The following CSMD3 variants were observed in gnomAD, a reference collection of about 807,000 sequenced individuals.
CSMD3 encodes the protein CUB and sushi domain-containing protein 3.
A neutral mutation model predicts 435.2 loss-of-function variants in CSMD3; 177 were observed. The ratio of observed to expected loss-of-function variants is 0.41; its 90% CI spans 0.36 to 0.46. The LOEUF (loss-of-function observed/expected upper bound fraction) is 0.46. CSMD3 is among the 20% of genes least tolerant of loss of function. CSMD3 has a pLI of 0.34. For missense variants in CSMD3, 4,265 were observed against 4,504.6 expected (o/e 0.95, Z 1.52); for synonymous variants, 1,656 against 1,520.5 (o/e 1.09, Z -2.07).
At chr8:113,067,574 C>G (rs574258914) in intron 5 of CSMD3, among the ~76,000 whole-genome samples, 1 of 152,046 alleles carries the variant, frequency 6.6e-6, no homozygotes, top group South Asian at 2.1e-4. Flanking sequence ...AACTTTTGTA[C>G]CAACTTAATA....
intron 13 of CSMD3, among the ~76,000 whole-genome samples, chr8:112,766,978 C>A (rs774727734): frequency 3.3e-5 from 5 of 151,732 alleles, no homozygotes; most frequent in Non-Finnish European, 7.4e-5. Flanking sequence ...TTTAGAAAGA[C>A]AAAGGGAACT....
intron 1 of CSMD3, among the ~76,000 whole-genome samples, chr8:113,400,362 T>A (rs956311288): frequency 2.6e-5 from 4 of 151,930 alleles, no homozygotes; most frequent in Non-Finnish European, 4.4e-5. Context: ...CCATCCCTCG[T>A]GGCTAATACT....
In CSMD3 at chr8:113,117,711, A is replaced by G. The variant is rs529734618; in HGVS notation, c.710-18748T>C. Among the ~76,000 whole-genome samples the G allele has an allele frequency of 7.9e-5, 12 of 152,352 alleles. No homozygotes were observed. In the South Asian group the frequency reaches 2.5e-3, roughly 32 times the overall value. Reference sequence around the variant, plus strand: ...GTTGTACACTACAAAGCCAAGGGTCAGAGCTGCCCAAGGCCATGGGAGCCC... The same window carrying G: ...GTTGTACACTACAAAGCCAAGGGTCGGAGCTGCCCAAGGCCATGGGAGCCC... On this transcript the variant is annotated intron_variant, in intron 4 of 70. Coordinates refer to ENST00000297405, the MANE Select transcript of CSMD3 (RefSeq NM_198123.2).
intron 32 of CSMD3, among the ~76,000 whole-genome samples, chr8:112,412,951 G>C (rs1811511254): frequency 6.6e-6 from 1 of 152,062 alleles, no homozygotes; most frequent in Non-Finnish European, 1.5e-5. Flanking sequence ...AGGGAACTTT[G>C]GGTACATATT....
chr8:113,300,198 T>C (rs2093754864), intron 2 of CSMD3, among the ~76,000 whole-genome samples: 2 of 148,152 alleles, frequency 1.3e-5, no homozygotes, highest in African/African-American at 2.5e-5. Context: ...TTGGTGTGAA[T>C]GCGAAGAAAA....
At chr8:112,473,018 T>C (rs1227316811) in intron 31 of CSMD3, among the ~76,000 whole-genome samples, 2 of 152,196 alleles carry the variant, frequency 1.3e-5, no homozygotes, top group African/African-American at 2.4e-5. Context: ...ATCATTTTTA[T>C]AATAATGATA....
chr8:112,349,715 ATAG>A lies in CSMD3; in HGVS notation c.6325+1457_6325+1459del, dbSNP rs556051516. Among the ~76,000 whole-genome samples the A allele has an allele frequency of 2.7e-3, 411 of 152,282 alleles. 1 individual carries two copies. The highest frequency in any genetic ancestry group is 4.6e-3 in the Non-Finnish European group (316 of 67,994). ...TATAATATGCATTTACAAATTAATC[ATAG>A]TACCTTAAAAACTTCCCTTAAAAAA... On this transcript the variant is annotated intron_variant, in intron 40 of 70. Coordinates refer to ENST00000297405, the MANE Select transcript of CSMD3 (RefSeq NM_198123.2).
At chr8:112,454,173 C>G (rs1378726470) in intron 32 of CSMD3, among the ~76,000 whole-genome samples, 1 of 152,160 alleles carries the variant, frequency 6.6e-6, no homozygotes, top group African/African-American at 2.4e-5. Context: ...AAATACCATT[C>G]TGGACATCGG....
At position 112,690,017 on chromosome 8, in the gene CSMD3, G is replaced by T. The variant is rs369800717; in HGVS notation, c.2006C>A (p.Thr669Lys). 1 of 1,613,162 alleles carries T rather than the reference G, an allele frequency of 6.2e-7. No individual in the cohort carries two copies. Among genetic ancestry groups the T allele is most frequent in the Non-Finnish European group, 8.5e-7 (1 of 1,179,388 alleles). ...GCCTTCTCTAATTCCATATAAGGGT[G>T]TACCAGGATCACCACAACTTTCTTT... Reference protein sequence around the residue: ...IEKESCGDPGTPLYGIREGDG... With the variant: ...IEKESCGDPGKPLYGIREGDG... The change falls in exon 14 of 71, where the codon ACA becomes AAA. Residue 669 changes from threonine to lysine, a missense_variant. By Grantham distance (78) the Thr-to-Lys change is moderately conservative (BLOSUM62 -1). Transcript: ENST00000297405.
chr8:112,832,119 T>G (rs1388559999), intron 11 of CSMD3, among the ~76,000 whole-genome samples: 1 of 152,208 alleles, frequency 6.6e-6, no homozygotes, highest in African/African-American at 2.4e-5. Context: ...TTATTAATAT[T>G]AATGACACAA....
chr8:113,426,938 CA>C (rs1391629073), intron 1 of CSMD3, among the ~76,000 whole-genome samples: 1 of 151,262 alleles, frequency 6.6e-6, no homozygotes, highest in African/African-American at 2.4e-5. Flanking sequence ...GATCATATAT[CA>C]AAACTATTTA....
intron 7 of CSMD3, among the ~76,000 whole-genome samples, chr8:112,974,441 T>C (rs2084771213): frequency 6.6e-6 from 1 of 151,860 alleles, no homozygotes; most frequent in East Asian, 1.9e-4. Flanking sequence ...CCTACCAATA[T>C]TAGCTCATGC....
At chr8:112,501,045 G>A (rs1364108513) in intron 30 of CSMD3, among the ~76,000 whole-genome samples, 1 of 151,962 alleles carries the variant, frequency 6.6e-6, no homozygotes, top group African/African-American at 2.4e-5. Flanking sequence ...ACAGTGGGCT[G>A]GCTTTCCCCT....
At chr8:113,044,183 TATG>T (rs1158839273) in intron 5 of CSMD3, among the ~76,000 whole-genome samples, 1 of 152,096 alleles carries the variant, frequency 6.6e-6, no homozygotes, top group African/African-American at 2.4e-5. Context: ...TTCAAAGTAT[TATG>T]ATACTCTGAC....
rs1450838175 is a variant in CSMD3 at position 112,336,759 on chromosome 8, T to G, written c.6912A>C (p.Pro2304=). The change falls in exon 44 of 71, where the codon CCA becomes CCC. Residue 2304 remains proline (P), a synonymous_variant. Transcript: ENST00000297405. The part of the protein sequence containing the change: ...IYSPGYPDEY[P]NFQDCFWLVR... ...CAAGCCAAAAACAATCTTGAAAGTT[T>G]GGATATTCATCAGGATACCCAGGAG... is the stretch of plus-strand genomic sequence containing the variant. 3 of 1,613,348 alleles carry G rather than the reference T, an allele frequency of 1.9e-6. No homozygotes were observed. The Admixed American group carries it at 5.0e-5, about 27-fold the overall frequency.
intron 12 of CSMD3, among the ~76,000 whole-genome samples, chr8:112,827,159 CCATAAATATATATATA>C (rs2079709622): frequency 2.2e-5 from 1 of 44,692 alleles, no homozygotes; most frequent in South Asian, 1.0e-3. Flanking sequence ...TACTAGGTTA[CCATAAATATATATATA>C]TATATATATA....
At chr8:112,563,605 T>C (rs1040334841) in intron 24 of CSMD3, among the ~76,000 whole-genome samples, 13 of 151,994 alleles carry the variant, frequency 8.6e-5, no homozygotes, top group African/African-American at 2.9e-4. Context: ...GACTGAATAT[T>C]AACTTGGTCA....
intron 9 of CSMD3, among the ~76,000 whole-genome samples, chr8:112,934,440 AT>A (rs1195549423): frequency 6.6e-6 from 1 of 152,164 alleles, no homozygotes; most frequent in East Asian, 1.9e-4. Context: ...TCCATCATGA[AT>A]TGTGCAAACT....
chr8:112,325,163 T>C (rs558737658), intron 45 of CSMD3, among the ~76,000 whole-genome samples: 1 of 152,272 alleles, frequency 6.6e-6, no homozygotes, highest in African/African-American at 2.4e-5. Flanking sequence ...CTCTTCATTT[T>C]TAATACTAAA....
Sources: gnomAD v4.1 joint callset for allele counts (sites outside exome capture counted in the v4.1 genomes callset) on GRCh38, gnomAD v4.1.1 for gene constraint, MANE v1.5 for transcripts, NCBI Gene and HGNC (gene_info 2026-07-23, HGNC 2026-07-21) for gene names.